Variants in DACH1 observed in about 807,000 individuals in gnomAD.
DACH1 encodes dachshund family transcription factor 1, also known as dachshund homolog 1.
In DACH1, 12 loss-of-function variants were observed where a neutral mutation model predicts 54.2. The ratio of observed to expected loss-of-function variants is 0.22; its 90% CI spans 0.14 to 0.36. The LOEUF (loss-of-function observed/expected upper bound fraction) is 0.36, where lower values mean the gene tolerates loss of function less well. Among genes scored for constraint, DACH1 ranks in the 10% least tolerant of loss-of-function variants. The pLI is 1.00. For synonymous variants in DACH1, 386 were observed against 366.2 expected (o/e 1.05, Z -0.62); for missense variants, 805 against 929.8 (o/e 0.87, Z 1.75).
At chr13:71,596,136 A>G (rs1421414713) in intron 3 of DACH1, among the ~76,000 whole-genome samples, 2 of 152,060 alleles carry the variant, frequency 1.3e-5, no homozygotes, top group Non-Finnish European at 1.5e-5. Flanking sequence ...AATAAAATGG[A>G]TAAGTAGATG....
chr13:71,682,594 T>A (rs941373487), intron 1 of DACH1, among the ~76,000 whole-genome samples: 3 of 152,216 alleles, frequency 2.0e-5, no homozygotes, highest in Non-Finnish European at 4.4e-5. Context: ...ACCCTTATTC[T>A]ATTTAAGTGA....
intron 6 of DACH1, among the ~76,000 whole-genome samples, chr13:71,538,419 A>G (rs1882939150): frequency 6.6e-6 from 1 of 151,850 alleles, no homozygotes. Flanking sequence ...ATTTTATTGT[A>G]GTGTTTGGAG....
chr13:71,524,652 G>A (rs527592441), intron 6 of DACH1, among the ~76,000 whole-genome samples: 1 of 152,218 alleles, frequency 6.6e-6, no homozygotes, highest in East Asian at 1.9e-4. Context: ...TAAAAAAAAT[G>A]AAGGGATTGC....
At chr13:71,554,284 G>A (rs1884097086) in intron 6 of DACH1, among the ~76,000 whole-genome samples, 1 of 152,072 alleles carries the variant, frequency 6.6e-6, no homozygotes, top group East Asian at 1.9e-4. Context: ...TACTAGAATA[G>A]TATCAAAATC....
At chr13:71,629,241 G>C (rs1016890556) in intron 3 of DACH1, among the ~76,000 whole-genome samples, 1 of 152,052 alleles carries the variant, frequency 6.6e-6, no homozygotes, top group African/African-American at 2.4e-5. Context: ...CCCTCCAGGA[G>C]CATTACAAAC....
intron 6 of DACH1, among the ~76,000 whole-genome samples, chr13:71,503,148 AC>A (rs1175996106): frequency 1.3e-5 from 2 of 152,174 alleles, no homozygotes; most frequent in Non-Finnish European, 2.9e-5. Flanking sequence ...CCCACATACA[AC>A]AACTGATTAC....
chr13:71,675,037 G>A, intron 2 of DACH1: 9 of 848,162 alleles, frequency 1.1e-5, no homozygotes, highest in South Asian at 1.4e-5. Context: ...CGAAGAGAAG[G>A]GGGGTAAGTA....
intron 2 of DACH1, among the ~76,000 whole-genome samples, chr13:71,650,003 C>T (rs1471420167): frequency 6.6e-6 from 1 of 152,162 alleles, no homozygotes; most frequent in African/African-American, 2.4e-5. Context: ...CCCTGGAAGG[C>T]CAAGCACTTT....
At position 71,438,514 on chromosome 13, in the gene DACH1, T is replaced by C. The variant is rs1012599248; in HGVS notation, c.*2141A>G. 6.6e-6 allele frequency: 1 copy of C among 152,490 alleles called. No individual in the cohort carries two copies. The highest frequency in any genetic ancestry group is 2.1e-4 in the South Asian group (1 of 4,834). 9.4% of individuals were successfully genotyped at this position (152,490 alleles called of 1,614,324 possible). A position where few individuals can be genotyped will look rare whatever the true frequency, so the allele number is the denominator to read the frequency against. ...GATAGCTTTTTTCTTTAATCCTTGC[T>C]AAAATTTCCTTTTATTTCAAATCAA... On this transcript the variant is annotated 3_prime_UTR_variant, in exon 11 of 11. Transcript: ENST00000613252.
chr13:71,693,599 T>C (rs1335714634), intron 1 of DACH1, among the ~76,000 whole-genome samples: 1 of 151,256 alleles, frequency 6.6e-6, no homozygotes, highest in African/African-American at 2.4e-5. Context: ...ATTACAGGCG[T>C]GAGCCACCGC....
At position 71,785,402 on chromosome 13, in the gene DACH1, C is replaced by T. The variant is rs73215251; in HGVS notation, c.848+80520G>A. On this transcript the variant is annotated intron_variant, in intron 1 of 10. Coordinates refer to ENST00000613252, the MANE Select transcript of DACH1 (RefSeq NM_080759.6). ...CCTGAAGATAACCCAAAGAGCATACCGTATTCAAATGTATATTATGCATTT... is the reference window on the plus strand; with the variant it reads ...CCTGAAGATAACCCAAAGAGCATACTGTATTCAAATGTATATTATGCATTT... 7.4e-3 allele frequency among the ~76,000 whole-genome samples: 1,129 copies of T among 152,120 alleles called. 5 individuals carry two copies. Among genetic ancestry groups the T allele is most frequent in the Middle Eastern group, 0.044 (13 of 294 alleles).
At chr13:71,865,444 C>G (rs1874668919) in intron 1 of DACH1, among the ~76,000 whole-genome samples, 1 of 152,190 alleles carries the variant, frequency 6.6e-6, no homozygotes, top group African/African-American at 2.4e-5. Flanking sequence ...CGACCTCCCC[C>G]CGCCCCCGGG....
chr13:71,485,370 CTT>C (rs1878398750), intron 7 of DACH1, among the ~76,000 whole-genome samples: 1 of 151,186 alleles, frequency 6.6e-6, no homozygotes, highest in African/African-American at 2.4e-5. Context: ...TCCATTATCA[CTT>C]TTAATTTCTA....
At chr13:71,751,294 A>G (rs1884912698) in intron 1 of DACH1, among the ~76,000 whole-genome samples, 1 of 152,200 alleles carries the variant, frequency 6.6e-6, no homozygotes, top group East Asian at 1.9e-4. Context: ...GTTTACTATA[A>G]TAACATCACA....
rs774687803 is a variant in DACH1, at chr13:71,559,845, C to T, written c.1410G>A (p.Arg470=). Residue 470 remains arginine (R), a synonymous_variant, in exon 5 of 11, where the codon CGG becomes CGA. Transcript: ENST00000613252. ...RSSSVSSSPA[R]TESSSDRIPV... is the part of the protein sequence containing the mutation. ...GGATTCTGTCAGAAGAGCTCTCAGT[C>T]CGAGCAGGGGAGCTGGACACGCTGC... The T allele has an allele frequency of 5.0e-6, 8 of 1,613,666 alleles. No homozygotes were observed. In the South Asian group the frequency reaches 8.8e-5, roughly 18 times the overall value.
intron 2 of DACH1, among the ~76,000 whole-genome samples, chr13:71,649,713 T>C (rs937589050): frequency 6.6e-6 from 1 of 152,186 alleles, no homozygotes; most frequent in Non-Finnish European, 1.5e-5. Context: ...AAGATCCACA[T>C]TGTCATTACA....
intron 6 of DACH1, among the ~76,000 whole-genome samples, chr13:71,507,151 T>TG (rs1283905645): frequency 6.6e-5 from 10 of 152,144 alleles, no homozygotes; most frequent in Non-Finnish European, 1.3e-4. Flanking sequence ...TTTTGCAACC[T>TG]ACTCATCTTA....
chr13:71,846,250 G>A (rs540380929), intron 1 of DACH1: 2 of 251,558 alleles, frequency 8.0e-6, no homozygotes, highest in African/African-American at 2.3e-5. Flanking sequence ...GCCAAATTCC[G>A]AAGCAATCTT....
chr13:71,470,001 A>G (rs999096989), intron 10 of DACH1, among the ~76,000 whole-genome samples: 2 of 152,184 alleles, frequency 1.3e-5, no homozygotes, highest in Non-Finnish European at 2.9e-5. Context: ...ATAGTCTAAG[A>G]TGTCAGAGGA....
Sources: gnomAD v4.1 joint callset for allele counts (sites outside exome capture counted in the v4.1 genomes callset) on GRCh38, gnomAD v4.1.1 for gene constraint, MANE v1.5 for transcripts, NCBI Gene and HGNC (gene_info 2026-07-23, HGNC 2026-07-21) for gene names.